Variants in KANK1 observed in about 807,000 individuals in gnomAD.
KANK1 encodes the protein KN motif and ankyrin repeat domain-containing protein 1.
In KANK1, 109 loss-of-function variants were observed where a neutral mutation model predicts 106.2. The ratio of observed to expected loss-of-function variants is 1.03; its 90% CI spans 0.88 to 1.20. The LOEUF (loss-of-function observed/expected upper bound fraction) is 1.20, where lower values mean the gene tolerates loss of function less well. Ranked by LOEUF, KANK1 falls within the 50% of genes most tolerant of loss-of-function variation. KANK1 has a pLI of 0.00. For synonymous variants in KANK1, 873 were observed against 652.2 expected (o/e 1.34, Z -5.16); for missense variants, 2,399 against 1,710.7 (o/e 1.40, Z -7.10).
chr9:525,886 A>G lies in KANK1; in HGVS notation c.-84+21132A>G, dbSNP rs960411574. On this transcript the variant is annotated intron_variant, in intron 1 of 11. Transcript: ENST00000382297. Reference sequence around the variant, plus strand: ...GAAAACTTCACAGTTAGTTTTAAAAAAAAATGCATTTGTCACCCAGAGGAT... The same window carrying G: ...GAAAACTTCACAGTTAGTTTTAAAAGAAAATGCATTTGTCACCCAGAGGAT... 2.5e-4 allele frequency among the ~76,000 whole-genome samples: 38 copies of G among 151,676 alleles called. 1 individual carries two copies. The highest frequency in any genetic ancestry group is 2.3e-3 in the Admixed American group (35 of 15,250).
At chr9:570,333 G>C (rs1373352005) in intron 1 of KANK1, among the ~76,000 whole-genome samples, 1 of 152,140 alleles carries the variant, frequency 6.6e-6, no homozygotes, top group Non-Finnish European at 1.5e-5. Flanking sequence ...CTTGCTTTTT[G>C]AGCATAGTTA....
At chr9:704,548 G>A (rs1823502114) in intron 2 of KANK1, among the ~76,000 whole-genome samples, 1 of 152,118 alleles carries the variant, frequency 6.6e-6, no homozygotes, top group Non-Finnish European at 1.5e-5. Context: ...TGGAAGGAGG[G>A]GATAATGCAT....
In KANK1 at chr9:594,056, G is replaced by A. The variant is rs58938929; in HGVS notation, c.-83-82834G>A. 9.1e-4 allele frequency among the ~76,000 whole-genome samples: 139 copies of A among 151,942 alleles called. No individual in the cohort carries two copies. The East Asian group carries it at 0.023, about 25-fold the overall frequency. On this transcript the variant is annotated intron_variant, in intron 1 of 11. Transcript: ENST00000382297. ...CCTGGGGTCTGATCTATGGTGCTGC[G>A]CTCGAGAGAACTGTAAGGTCTGCTG...
chr9:718,240 G>A (rs1379179621), intron 3 of KANK1, among the ~76,000 whole-genome samples: 1 of 147,114 alleles, frequency 6.8e-6, no homozygotes, highest in Non-Finnish European at 1.5e-5. Flanking sequence ...GGTAGTGGAA[G>A]GCCTAGAAGT....
chr9:510,423 G>C (rs2058979748), intron 1 of KANK1, among the ~76,000 whole-genome samples: 1 of 152,172 alleles, frequency 6.6e-6, no homozygotes, highest in African/African-American at 2.4e-5. Context: ...TGACCAAGGA[G>C]TGTTCATTCT....
intron 1 of KANK1, among the ~76,000 whole-genome samples, chr9:507,181 C>T (rs1477485953): frequency 6.7e-6 from 1 of 150,084 alleles, no homozygotes; most frequent in Admixed American, 6.6e-5. Context: ...AGCGAGACTC[C>T]GTCTCTACAA....
chr9:738,557 C>T (rs1244854198), intron 8 of KANK1, 53 bp downstream of exon 8: 1 of 1,431,398 alleles, frequency 7.0e-7, no homozygotes, highest in South Asian at 1.2e-5. Flanking sequence ...TGGGTTGTGA[C>T]TCATCTCAGA....
intron 1 of KANK1, among the ~76,000 whole-genome samples, chr9:511,119 G>C (rs2132826614): frequency 6.6e-6 from 1 of 152,332 alleles, no homozygotes; most frequent in South Asian, 2.1e-4. Flanking sequence ...GGAAAGGAAA[G>C]GGATGGAGAA....
chr9:525,804 C>T (rs940174337), intron 1 of KANK1, among the ~76,000 whole-genome samples: 2 of 151,492 alleles, frequency 1.3e-5, no homozygotes, highest in African/African-American at 2.4e-5. Context: ...TTCCCTGCTC[C>T]CCTGGCTGCC....
At chr9:645,174 C>G (rs1757749984) in intron 1 of KANK1, among the ~76,000 whole-genome samples, 2 of 144,848 alleles carry the variant, frequency 1.4e-5, no homozygotes, top group Non-Finnish European at 3.0e-5. Flanking sequence ...TGCATGGTGG[C>G]TCACGTCTGT....
At chr9:557,970 A>T (rs1469154879) in intron 1 of KANK1, among the ~76,000 whole-genome samples, 1 of 151,234 alleles carries the variant, frequency 6.6e-6, no homozygotes, top group South Asian at 2.1e-4. Context: ...GCGCCACTGC[A>T]TTCCATCCTG....
At chr9:558,828 ACTTG>A (rs1309579405) in intron 1 of KANK1, 1 of 152,130 alleles carries the variant, frequency 6.6e-6, no homozygotes, top group African/African-American at 2.4e-5. Context: ...TTTGGTGTGT[ACTTG>A]CTTCAGTGGC....
Position 738,518 on chromosome 9 carries a change from C to T in KANK1, c.3553+14C>T. On this transcript the variant is annotated intron_variant, in intron 8 of 11. Coordinates refer to ENST00000382297, the MANE Select transcript of KANK1 (RefSeq NM_015158.5). ...TGTTAGATGCCGGTATGTTGGCTGC[C>T]CTTCCACCCTCTCTTCTCTAACAGT... is the stretch of plus-strand genomic sequence containing the variant. The T allele has an allele frequency of 6.3e-7, 1 of 1,594,334 alleles. No homozygotes were observed. The highest frequency in any genetic ancestry group is 8.6e-7 in the Non-Finnish European group (1 of 1,162,050).
chr9:595,625 A>C (rs1307537456), intron 1 of KANK1, among the ~76,000 whole-genome samples: 1 of 151,896 alleles, frequency 6.6e-6, no homozygotes, highest in Non-Finnish European at 1.5e-5. Flanking sequence ...TCCTGGGCTC[A>C]AGCAGTCCTC....
intron 1 of KANK1, among the ~76,000 whole-genome samples, chr9:623,479 A>AC: frequency 6.6e-6 from 1 of 151,826 alleles, no homozygotes; most frequent in Non-Finnish European, 1.5e-5. Context: ...AGTCTCAGTT[A>AC]CCCATTAGAC....
rs561699278 is a variant in KANK1 at position 714,712 on chromosome 9, C to G, written c.2698+1248C>G. On this transcript the variant is annotated intron_variant, in intron 3 of 11. Transcript: ENST00000382297. ...ATTCTTTCTCGTATTCATTGGGATT[C>G]CTGCTCACTCTTCCTTCTTGAAATT... Among the ~76,000 whole-genome samples the G allele has an allele frequency of 2.1e-3, 316 of 152,224 alleles. 1 individual carries two copies. The highest frequency in any genetic ancestry group is 8.7e-3 in the South Asian group (42 of 4,814).
At chr9:601,655 A>T (rs1005209858) in intron 1 of KANK1, among the ~76,000 whole-genome samples, 8 of 151,870 alleles carry the variant, frequency 5.3e-5, no homozygotes, top group Admixed American at 6.6e-5. Context: ...TCTGTGGGTT[A>T]TAACCCAATA....
upstream of KANK1, among the ~76,000 whole-genome samples, chr9:503,262 T>C (rs1255688816): frequency 6.6e-6 from 1 of 151,950 alleles, no homozygotes; most frequent in Non-Finnish European, 1.5e-5. Flanking sequence ...TGGTGGGGGA[T>C]TTTAGAAAAT....
chr9:682,742 T>C (rs1817818588), intron 2 of KANK1, among the ~76,000 whole-genome samples: 1 of 152,176 alleles, frequency 6.6e-6, no homozygotes, highest in African/African-American at 2.4e-5. Context: ...ATGGCTTTAG[T>C]AACTGTTGTG....
Sources: gnomAD v4.1 joint callset for allele counts (sites outside exome capture counted in the v4.1 genomes callset) on GRCh38, gnomAD v4.1.1 for gene constraint, MANE v1.5 for transcripts, NCBI Gene and HGNC (gene_info 2026-07-23, HGNC 2026-07-21) for gene names.